HERPUD2: variants seen among roughly 807,000 people sequenced by gnomAD.
The protein encoded by HERPUD2 is homocysteine-responsive endoplasmic reticulum-resident ubiquitin-like domain member 2 protein.
A neutral mutation model predicts 49.9 loss-of-function variants in HERPUD2; 13 were observed. That is an observed-to-expected ratio of 0.26 (90% confidence interval 0.17 to 0.41). The LOEUF (loss-of-function observed/expected upper bound fraction) is 0.41, where lower values mean the gene tolerates loss of function less well. Among genes scored for constraint, HERPUD2 ranks in the 10% least tolerant of loss-of-function variants. The pLI is 1.00. For synonymous variants in HERPUD2, 172 were observed against 171.4 expected, an observed-to-expected ratio of 1.00 and a Z score of -0.03; for missense variants, 449 against 492.2, an observed-to-expected ratio of 0.91 and a Z score of 0.83.
chr7:35,682,316 CACAT>C (rs1381300704), intron 2 of HERPUD2, among the ~76,000 whole-genome samples: 1 of 40,876 alleles, frequency 2.4e-5, no homozygotes, highest in Non-Finnish European at 4.6e-5. Context: ...TAGATATATA[CACAT>C]ACACACGTGT....
At position 35,694,515 on chromosome 7, in the gene HERPUD2, G is replaced by A. The variant is rs1305402943; in HGVS notation, c.-185C>T. 6.4e-6 allele frequency: 4 copies of A among 629,434 alleles called. No homozygotes were observed. The highest frequency in any genetic ancestry group is 1.1e-5 in the Non-Finnish European group (4 of 365,752). 39.0% of individuals were successfully genotyped at this position (629,434 alleles called of 1,614,324 possible). ...CCGGTACCAAGGATGGACTGAGGTG[G>A]TGGCGACTGCGACGGTGGGGTCTGG... On this transcript the variant is annotated 5_prime_UTR_variant, in exon 2 of 9. Coordinates refer to ENST00000311350, the MANE Select transcript of HERPUD2 (RefSeq NM_022373.5).
At chr7:35,685,546 G>A (rs1355081697) in intron 2 of HERPUD2, among the ~76,000 whole-genome samples, 4 of 151,614 alleles carry the variant, frequency 2.6e-5, no homozygotes, top group Admixed American at 1.3e-4. Context: ...GGCTGGTCTC[G>A]AACTCCTGAC....
intron 2 of HERPUD2, among the ~76,000 whole-genome samples, chr7:35,683,957 G>A (rs1785972828): frequency 6.6e-6 from 1 of 152,230 alleles, no homozygotes; most frequent in Non-Finnish European, 1.5e-5. Flanking sequence ...TACAATGCTG[G>A]TGGGAATATA....
At chr7:35,642,003 A>C (rs148837500) in intron 5 of HERPUD2, among the ~76,000 whole-genome samples, 52 of 152,370 alleles carry the variant, frequency 3.4e-4, no homozygotes, top group African/African-American at 1.3e-3. Flanking sequence ...ACAGCAAAAG[A>C]AACTATCACC....
intron 3 of HERPUD2, among the ~76,000 whole-genome samples, chr7:35,670,581 G>A (rs528943463): frequency 6.6e-6 from 1 of 151,908 alleles, no homozygotes; most frequent in Non-Finnish European, 1.5e-5. Context: ...TTTTGCATAC[G>A]AAGCAGTCTT....
intron 5 of HERPUD2, among the ~76,000 whole-genome samples, chr7:35,648,450 C>T (rs1169855455): frequency 6.6e-6 from 1 of 152,148 alleles, no homozygotes; most frequent in Admixed American, 6.5e-5. Context: ...GGAGTATTTA[C>T]ACCAGAGAAA....
intron 2 of HERPUD2, among the ~76,000 whole-genome samples, chr7:35,687,820 A>G (rs1786097643): frequency 6.6e-6 from 1 of 152,200 alleles, no homozygotes; most frequent in African/African-American, 2.4e-5. Flanking sequence ...TTTAAAGCCA[A>G]CAATACTTTT....
At chr7:35,663,492 G>T (rs1785473001) in intron 5 of HERPUD2, among the ~76,000 whole-genome samples, 1 of 152,126 alleles carries the variant, frequency 6.6e-6, no homozygotes, top group African/African-American at 2.4e-5. Flanking sequence ...GTCTAATGTT[G>T]ACAGTGGGGT....
chr7:35,639,068 G>C (rs369693076), intron 5 of HERPUD2, among the ~76,000 whole-genome samples: 1 of 148,552 alleles, frequency 6.7e-6, no homozygotes, highest in East Asian at 2.0e-4. Context: ...TCGCTCTTTC[G>C]CCCAGGCTGG....
Position 35,687,016 on chromosome 7 carries a change from C to T in HERPUD2, c.147+7168G>A, listed in dbSNP as rs1265274886. On this transcript the variant is annotated intron_variant, in intron 2 of 8. Transcript: ENST00000311350. ...CAGAGGTTGCAGTGAGCTGAGATCA[C>T]GCCACTGCACTCCAGCCCAGACGAC... Among the ~76,000 whole-genome samples the T allele has an allele frequency of 4.6e-5, 7 of 151,942 alleles. No homozygotes were observed. In the East Asian group the frequency reaches 1.2e-3, roughly 25 times the overall value.
intron 5 of HERPUD2, among the ~76,000 whole-genome samples, chr7:35,640,270 C>T (rs1784949037): frequency 6.6e-6 from 1 of 151,992 alleles, no homozygotes; most frequent in South Asian, 2.1e-4. Context: ...TTAGTATTTC[C>T]CATTATGAAA....
chr7:35,685,986 A>G (rs1786033375), intron 2 of HERPUD2, among the ~76,000 whole-genome samples: 1 of 151,960 alleles, frequency 6.6e-6, no homozygotes, highest in African/African-American at 2.4e-5. Flanking sequence ...ATAAATAAAT[A>G]AATAACTTAA....
intron 2 of HERPUD2, among the ~76,000 whole-genome samples, chr7:35,693,190 T>C (rs1408727032): frequency 2.0e-5 from 3 of 152,232 alleles, no homozygotes; most frequent in Non-Finnish European, 2.9e-5. Context: ...TTTTATTTAT[T>C]ATCTCTGCAA....
At chr7:35,654,673 C>CTTTT (rs539830449) in intron 5 of HERPUD2, among the ~76,000 whole-genome samples, 7 of 129,900 alleles carry the variant, frequency 5.4e-5, no homozygotes, top group African/African-American at 2.0e-4. Flanking sequence ...TTGACCAAAA[C>CTTTT]TTTTTTTTTT....
intron 5 of HERPUD2, among the ~76,000 whole-genome samples, chr7:35,655,525 T>C (rs1785258215): frequency 1.3e-5 from 2 of 152,170 alleles, no homozygotes; most frequent in South Asian, 2.1e-4. Flanking sequence ...AAACTAGGCA[T>C]AGACGGAACA....
At chr7:35,674,482 A>C (rs953320712) in intron 2 of HERPUD2, among the ~76,000 whole-genome samples, 1 of 140,456 alleles carries the variant, frequency 7.1e-6, no homozygotes, top group Non-Finnish European at 1.5e-5. Flanking sequence ...GTGGTATCGT[A>C]AAATGTATAA....
At chr7:35,641,408 T>C (rs867043901) in intron 5 of HERPUD2, among the ~76,000 whole-genome samples, 3 of 152,318 alleles carry the variant, frequency 2.0e-5, no homozygotes, top group African/African-American at 7.2e-5. Flanking sequence ...CCAAGGCAAT[T>C]TGTAGATTCA....
chr7:35,682,269 A>C (rs1202912242), intron 2 of HERPUD2, among the ~76,000 whole-genome samples: 1 of 36,568 alleles, frequency 2.7e-5, no homozygotes, highest in Non-Finnish European at 5.7e-5. Flanking sequence ...GTGTATATAT[A>C]GATATATACA....
intron 2 of HERPUD2, among the ~76,000 whole-genome samples, chr7:35,693,891 C>A (rs1471577232): frequency 6.6e-6 from 1 of 152,184 alleles, no homozygotes; most frequent in East Asian, 1.9e-4. Flanking sequence ...CCGCCTTGGC[C>A]TCCCAAAGTG....
Sources: allele counts gnomAD v4.1 joint callset (sites outside exome capture counted in the v4.1 genomes callset), GRCh38; gene constraint gnomAD v4.1.1; transcripts MANE v1.5; gene names NCBI Gene and HGNC (gene_info 2026-07-23, HGNC 2026-07-21).